Variants in GPR55 observed in about 807,000 individuals in gnomAD.
GPR55 encodes G-protein coupled receptor 55.
In GPR55, 6 loss-of-function variants were observed where a neutral mutation model predicts 7.9. The ratio of observed to expected loss-of-function variants is 0.76; its 90% CI spans 0.41 to 1.49. The LOEUF (loss-of-function observed/expected upper bound fraction) is 1.49, where lower values mean the gene tolerates loss of function less well. Ranked by LOEUF, GPR55 falls within the 40% of genes most tolerant of loss-of-function variation. The probability of loss-of-function intolerance (pLI) is 0.01; values close to 1 mark genes in which losing one functional copy is unlikely to be tolerated. For synonymous variants in GPR55, 183 were observed against 166.8 expected (o/e 1.10, Z -0.75); for missense variants, 376 against 406.0 (o/e 0.93, Z 0.63).
chr2:230,911,868 C>G (rs1690600419), intron 1 of GPR55, among the ~76,000 whole-genome samples: 1 of 152,050 alleles, frequency 6.6e-6, no homozygotes, highest in African/African-American at 2.4e-5. Context: ...TGTGGTTGCA[C>G]AGGGGTGTGG....
intron 1 of GPR55, among the ~76,000 whole-genome samples, chr2:230,918,937 A>C (rs575147407): frequency 6.6e-6 from 1 of 152,126 alleles, no homozygotes; most frequent in African/African-American, 2.4e-5. Flanking sequence ...TCTTGTTGAA[A>C]TCAGACATTT....
chr2:230,912,605 A>T (rs1690619655), intron 1 of GPR55, among the ~76,000 whole-genome samples: 1 of 151,844 alleles, frequency 6.6e-6, no homozygotes. Context: ...CCCCTGGCTA[A>T]TTTTTTGTAT....
At chr2:230,911,874 T>C (rs905216387) in intron 1 of GPR55, among the ~76,000 whole-genome samples, 1 of 151,950 alleles carries the variant, frequency 6.6e-6, no homozygotes, top group Non-Finnish European at 1.5e-5. Context: ...TGCACAGGGG[T>C]GTGGTCCGAG....
upstream of GPR55, among the ~76,000 whole-genome samples, chr2:230,927,889 C>A (rs1202906153): frequency 1.3e-5 from 2 of 152,228 alleles, no homozygotes; most frequent in African/African-American, 4.8e-5. Flanking sequence ...GGGAAACCTG[C>A]CCACCAGGGG....
At chr2:230,941,293 C>T (rs1394677835) in intron 1 of GPR55, among the ~76,000 whole-genome samples, 3 of 152,130 alleles carry the variant, frequency 2.0e-5, no homozygotes, top group African/African-American at 7.2e-5. Context: ...CGCAGCTGCC[C>T]TCTGAGTGCC....
chr2:230,924,233 C>T lies in GPR55; in HGVS notation c.-135+935G>A, dbSNP rs1169297426. ...ACGGAACAAATGGCCAGGTCTGCTG[C>T]AGCTCCACAGTGACTGGTGCTCCCT... On this transcript the variant is annotated intron_variant, in intron 1 of 1. Coordinates refer to ENST00000650999, the MANE Select transcript of GPR55 (RefSeq NM_005683.4). This position sits in a 1 kb window ranked among gnomAD's most constrained non-coding sequence, Gnocchi z 4.5. Among the ~76,000 whole-genome samples the T allele has an allele frequency of 6.6e-6, 1 of 152,196 alleles. No homozygotes were observed. The highest frequency in any genetic ancestry group is 2.4e-5 in the African/African-American group (1 of 41,448).
chr2:230,909,674 T>G lies in GPR55; in HGVS notation c.*329A>C, dbSNP rs2125044520. 1 of 227,998 alleles carries G rather than the reference T, an allele frequency of 4.4e-6. No homozygotes were observed. Among genetic ancestry groups the G allele is most frequent in the Non-Finnish European group, 8.6e-6 (1 of 115,774 alleles). 14.1% of individuals were successfully genotyped at this position (227,998 alleles called of 1,614,324 possible). On this transcript the variant is annotated 3_prime_UTR_variant, in exon 2 of 2. Transcript: ENST00000650999. Reference sequence around the variant, plus strand: ...AGAACCTCCCAGTCGAACAGGAAAATGGGGAGAGTTGGAAACAGCCTTGTT... The same window carrying G: ...AGAACCTCCCAGTCGAACAGGAAAAGGGGGAGAGTTGGAAACAGCCTTGTT...
At chr2:230,921,257 G>T (rs1265728498) in intron 1 of GPR55, among the ~76,000 whole-genome samples, 1 of 152,146 alleles carries the variant, frequency 6.6e-6, no homozygotes, top group Non-Finnish European at 1.5e-5. Flanking sequence ...CCCCTCCTGT[G>T]GAATACCCAT....
intron 1 of GPR55, among the ~76,000 whole-genome samples, chr2:230,913,301 G>A (rs1193517382): frequency 3.3e-5 from 5 of 152,088 alleles, no homozygotes; most frequent in Admixed American, 6.5e-5. Context: ...TTGGGCGCCC[G>A]TGGGAGGAAA....
intron 1 of GPR55, among the ~76,000 whole-genome samples, chr2:230,956,803 G>A (rs1358975905): frequency 6.6e-6 from 1 of 152,088 alleles, no homozygotes; most frequent in Non-Finnish European, 1.5e-5. Flanking sequence ...TTTTCATCTA[G>A]AGCTGTCTCC....
intron 1 of GPR55, among the ~76,000 whole-genome samples, chr2:230,934,517 A>G (rs1012038907): frequency 7.2e-5 from 11 of 152,152 alleles, no homozygotes; most frequent in Admixed American, 2.6e-4. Context: ...GGTCAGAAGA[A>G]CCAGGGACAG....
At chr2:230,918,115 G>A (rs1339132735) in intron 1 of GPR55, among the ~76,000 whole-genome samples, 4 of 152,178 alleles carry the variant, frequency 2.6e-5, no homozygotes, top group Non-Finnish European at 5.9e-5. Context: ...GGAAATAAAG[G>A]AATTAGAAAA....
intron 1 of GPR55, among the ~76,000 whole-genome samples, chr2:230,919,992 A>C (rs1690798083): frequency 6.6e-6 from 1 of 151,420 alleles, no homozygotes; most frequent in South Asian, 2.1e-4. Context: ...GGGGAAAAAA[A>C]AAAAACCTAA....
At position 230,924,291 on chromosome 2, in the gene GPR55, C is replaced by G. The variant is rs1021921348; in HGVS notation, c.-135+877G>C. On this transcript the variant is annotated intron_variant, in intron 1 of 1. Transcript: ENST00000650999. The surrounding 1 kb of genome is among the most constrained non-coding windows in gnomAD (Gnocchi z 4.5). ...TGGGACAGCCGCTCAGAACCAAAGG[C>G]AAACCTTGCCTTCCACAGAGCTGTG... is the stretch of plus-strand genomic sequence containing the variant. Among the ~76,000 whole-genome samples, 1 of 152,222 alleles carries G rather than the reference C, an allele frequency of 6.6e-6. No individual in the cohort carries two copies. Among genetic ancestry groups the G allele is most frequent in the African/African-American group, 2.4e-5 (1 of 41,450 alleles).
chr2:230,956,859 A>C (rs1244124932), intron 1 of GPR55, among the ~76,000 whole-genome samples: 1 of 152,060 alleles, frequency 6.6e-6, no homozygotes, highest in Non-Finnish European at 1.5e-5. Flanking sequence ...TGGAGAGCCT[A>C]ACGGACTATT....
intron 1 of GPR55, among the ~76,000 whole-genome samples, chr2:230,917,368 G>A (rs562626750): frequency 2.6e-4 from 39 of 152,054 alleles, no homozygotes; most frequent in Non-Finnish European, 5.0e-4. Context: ...TAAACAAATA[G>A]GTAACCCATT....
At chr2:230,920,251 T>C (rs1200888710) in intron 1 of GPR55, among the ~76,000 whole-genome samples, 1 of 152,052 alleles carries the variant, frequency 6.6e-6, no homozygotes, top group Non-Finnish European at 1.5e-5. Flanking sequence ...CAACTTGTGG[T>C]CTGGGTTTGT....
intron 1 of GPR55, among the ~76,000 whole-genome samples, chr2:230,938,393 T>G (rs796647828): frequency 1.6e-4 from 17 of 104,696 alleles, no homozygotes; most frequent in African/African-American, 9.4e-4. Flanking sequence ...TGTAACCAGA[T>G]GACCAAAAAA....
chr2:230,911,456 A>T (rs1690589679), intron 1 of GPR55, among the ~76,000 whole-genome samples: 1 of 152,090 alleles, frequency 6.6e-6, no homozygotes, highest in Admixed American at 6.5e-5. Context: ...CCTCCCACCC[A>T]CTTTCCTGAT....
Sources: allele counts gnomAD v4.1 joint callset (sites outside exome capture counted in the v4.1 genomes callset), GRCh38; gene constraint gnomAD v4.1.1; non-coding constraint Gnocchi (gnomAD v3.1); transcripts MANE v1.5; gene names NCBI Gene and HGNC (gene_info 2026-07-23, HGNC 2026-07-21).